ACAD8: variants seen among roughly 807,000 people sequenced by gnomAD.
ACAD8 encodes the protein acyl-CoA dehydrogenase family member 8, also known as isobutyryl-CoA dehydrogenase, mitochondrial.
A neutral mutation model predicts 53.1 loss-of-function variants in ACAD8; 47 were observed. That is an observed-to-expected ratio of 0.89 (90% confidence interval 0.70 to 1.13). ACAD8 has a LOEUF of 1.13. Among genes scored for constraint, ACAD8 ranks in the 50% most tolerant of loss-of-function variants. The probability of loss-of-function intolerance (pLI) is 0.00; values close to 1 mark genes in which losing one functional copy is unlikely to be tolerated. For missense variants in ACAD8, 494 were observed against 535.0 expected (o/e 0.92, Z 0.76); for synonymous variants, 198 against 201.3 (o/e 0.98, Z 0.14).
chr11:134,260,516 T>C, intron 6 of ACAD8: 1 of 210,560 alleles, frequency 4.7e-6, no homozygotes, highest in Non-Finnish European at 9.6e-6. Context: ...TTATGCATTT[T>C]AGCATCCCCT....
Position 134,261,620 on chromosome 11 carries a change from C to T in ACAD8, c.940-118C>T, listed in dbSNP as rs758031454. 5 of 1,567,390 alleles carry T rather than the reference C, an allele frequency of 3.2e-6. No homozygotes were observed. The highest frequency in any genetic ancestry group is 1.2e-5 in the South Asian group (1 of 86,006). ...TTTCCTCTATAGAAAAAGCAAGAGA[C>T]TTTGAAGCTTTGGATCACTTAGAAA... On this transcript the variant is annotated intron_variant, in intron 8 of 10. Coordinates refer to ENST00000281182, the MANE Select transcript of ACAD8 (RefSeq NM_014384.3). This position sits in a 1 kb window ranked among gnomAD's most constrained non-coding sequence, Gnocchi z 4.2.
At chr11:134,260,252 C>T (rs888785293) in intron 6 of ACAD8, 30 of 1,030,786 alleles carry the variant, frequency 2.9e-5, no homozygotes, top group South Asian at 1.5e-4. Flanking sequence ...GATTAAGAGC[C>T]GCCATGGCCA....
chr11:134,261,681 C>T lies in ACAD8; in HGVS notation c.940-57C>T. 1 of 1,609,138 alleles carries T rather than the reference C, an allele frequency of 6.2e-7. No individual in the cohort carries two copies. The highest frequency in any genetic ancestry group is 8.5e-7 in the Non-Finnish European group (1 of 1,179,874). ...GAGATGTCTTACCGAGGCTCCTGCA[C>T]CAGGTGCTGGTCTAAGCCCCTCAGT... On this transcript the variant is annotated intron_variant, in intron 8 of 10. Transcript: ENST00000281182. This position sits in a 1 kb window ranked among gnomAD's most constrained non-coding sequence, Gnocchi z 4.2.
At position 134,259,606 on chromosome 11, in the gene ACAD8, A is replaced by G. The variant is rs1224391966; in HGVS notation, c.568-2A>G. ...CCTTTTGCACCCCTTTTACCCCCAC[A>G]GGCCTTCATCAGTGGTGCTGGTGAG... On this transcript the variant is annotated splice_acceptor_variant, in intron 5 of 10. Transcript: ENST00000281182. LOFTEE classifies it high-confidence loss of function. 6.2e-7 allele frequency: 1 copy of G among 1,614,094 alleles called. No individual in the cohort carries two copies. The highest frequency in any genetic ancestry group is 1.1e-5 in the South Asian group (1 of 91,080).
At chr11:134,258,666 G>T (rs772284615) in intron 4 of ACAD8, 42 bp downstream of exon 4, 10 of 1,401,488 alleles carry the variant, frequency 7.1e-6, no homozygotes, top group Non-Finnish European at 1.0e-5. Context: ...AGGGAGAGAT[G>T]CTTCCTGCTC....
In ACAD8 at chr11:134,253,632, C is replaced by G. The variant is rs773403936; in HGVS notation, c.32C>G (p.Ala11Gly). 1.3e-6 allele frequency: 2 copies of G among 1,583,744 alleles called. No individual in the cohort carries two copies. Among genetic ancestry groups the G allele is most frequent in the South Asian group, 2.3e-5 (2 of 87,698 alleles). Residue 11 changes from alanine (A) to glycine (G), a missense_variant, in exon 1 of 11, where the codon GCG (alanine) becomes GGG (glycine). By Grantham distance (60) the Ala-to-Gly change is moderately conservative. Transcript: ENST00000281182. Reference sequence around the variant, plus strand: ...TGGAGCGGCTGCCGGCGTTTCGGGGCGCGCCTCGGCTGCCTGCCCGGCGGT... The same window carrying G: ...TGGAGCGGCTGCCGGCGTTTCGGGGGGCGCCTCGGCTGCCTGCCCGGCGGT... MLWSGCRRFG[A>G]RLGCLPGGLR...
At chr11:134,260,816 G>GAC (rs1272977100) in intron 6 of ACAD8, 136 of 568,474 alleles carry the variant, frequency 2.4e-4, no homozygotes, top group Middle Eastern at 1.9e-3. Context: ...AGGTAGAGTA[G>GAC]ACATTAGTAG....
chr11:134,261,454 AG>A lies in ACAD8; in HGVS notation c.939+83del, dbSNP rs1198868872. The A allele has an allele frequency of 4.8e-5, 75 of 1,551,438 alleles. No individual in the cohort carries two copies. In the Middle Eastern group the frequency reaches 8.4e-4, roughly 17 times the overall value. On this transcript the variant is annotated intron_variant, in intron 8 of 10. Transcript: ENST00000281182. This position sits in a 1 kb window ranked among gnomAD's most constrained non-coding sequence, Gnocchi z 4.2. ...CTAGGGCCCACATTTCCAGGAGAGA[AG>A]CCAGGAAATTCCTCTGTCAGTCCCA...
At chr11:134,263,591 A>G in intron 10 of ACAD8, 1 of 985,506 alleles carries the variant, frequency 1.0e-6, no homozygotes, top group Non-Finnish European at 1.2e-6. Flanking sequence ...ACCTCATTCC[A>G]GAAAGATGTT....
intron 6 of ACAD8, chr11:134,260,708 T>C: frequency 2.6e-6 from 1 of 383,658 alleles, no homozygotes; most frequent in South Asian, 2.3e-5. Flanking sequence ...ACTGGGAGAT[T>C]GTAGATAGTT....
At position 134,261,645 on chromosome 11, in the gene ACAD8, A is replaced by G. The variant is rs1008005837; in HGVS notation, c.940-93A>G. 6.3e-7 allele frequency: 1 copy of G among 1,593,984 alleles called. No individual in the cohort carries two copies. Among genetic ancestry groups the G allele is most frequent in the African/African-American group, 1.3e-5 (1 of 74,656 alleles). ...CTTTGAAGCTTTGGATCACTTAGAA[A>G]AGGCGCCTCCGAGATGTCTTACCGA... On this transcript the variant is annotated intron_variant, in intron 8 of 10. Coordinates refer to ENST00000281182, the MANE Select transcript of ACAD8 (RefSeq NM_014384.3). This position sits in a 1 kb window ranked among gnomAD's most constrained non-coding sequence, Gnocchi z 4.2.
At chr11:134,256,984 A>T in intron 2 of ACAD8, 104 bp from the exon 3 acceptor site, 1 of 1,203,132 alleles carries the variant, frequency 8.3e-7, no homozygotes, top group South Asian at 1.2e-5. Context: ...AAGAGAATTC[A>T]TACGCTGTCG....
At chr11:134,258,398 A>G in intron 3 of ACAD8, 117 bp from the exon 4 acceptor site, 2 of 728,862 alleles carry the variant, frequency 2.7e-6, no homozygotes, top group South Asian at 1.5e-5. Flanking sequence ...TCCCCTTCCC[A>G]CTCTTCTGCT....
Position 134,258,829 on chromosome 11 carries a change from C to T in ACAD8, c.491-179C>T, listed in dbSNP as rs564294269. 1.4e-4 allele frequency: 104 copies of T among 740,416 alleles called. 1 individual carries two copies. In the East Asian group the frequency reaches 2.7e-3, roughly 20 times the overall value. The allele number at this position is 740,416 out of a possible 1,614,324, so 45.9% of individuals were successfully genotyped here. ...TGTTGGGAGGTAGGCAGTGGCCTGA[C>T]TGGTATGAGCAGTTTCCACCAAGTA... is the stretch of plus-strand genomic sequence containing the variant. On this transcript the variant is annotated intron_variant, in intron 4 of 10. Coordinates refer to ENST00000281182, the MANE Select transcript of ACAD8 (RefSeq NM_014384.3).
chr11:134,265,072 T>C lies in ACAD8; in HGVS notation c.*112T>C. On this transcript the variant is annotated 3_prime_UTR_variant, in exon 11 of 11. Coordinates refer to ENST00000281182, the MANE Select transcript of ACAD8 (RefSeq NM_014384.3). ...CATGGATTAGACCCAAGGGCTGAGC[T>C]CCTCTAGGGCAGGACCTGCACCCTG... 1 of 1,221,792 alleles carries C rather than the reference T, an allele frequency of 8.2e-7. No homozygotes were observed. The highest frequency in any genetic ancestry group is 1.2e-5 in the South Asian group (1 of 83,066). The allele number at this position is 1,221,792 out of a possible 1,614,324, so 75.7% of individuals were successfully genotyped here. A position where few individuals can be genotyped will look rare whatever the true frequency, so the allele number is the denominator to read the frequency against.
chr11:134,259,543 T>C, intron 5 of ACAD8, 65 bp from the exon 6 acceptor site: 1 of 1,608,568 alleles, frequency 6.2e-7, no homozygotes, highest in Non-Finnish European at 8.5e-7. Flanking sequence ...GACCCAGTGG[T>C]GTTCCCAGAC....
chr11:134,253,806 C>T, intron 1 of ACAD8, 97 bp downstream of exon 1: 2 of 1,263,038 alleles, frequency 1.6e-6, no homozygotes, highest in South Asian at 2.6e-5. Context: ...TCCAGTCACC[C>T]CGGCGTCAGC....
At position 134,261,782 on chromosome 11, in the gene ACAD8, C is replaced by A. The variant is rs766640729; in HGVS notation, c.984C>A (p.Ala328=). The A allele has an allele frequency of 6.2e-7, 1 of 1,614,140 alleles. No individual in the cohort carries two copies. Among genetic ancestry groups the A allele is most frequent in the East Asian group, 2.2e-5 (1 of 44,884 alleles). Reference sequence around the variant, plus strand: ...CTGATATGGCAACAAGGCTGGTGGCCGCGCGGCTGATGGTCCGCAATGCAG... The same window carrying A: ...CTGATATGGCAACAAGGCTGGTGGCAGCGCGGCTGATGGTCCGCAATGCAG... ...TLADMATRLV[A]ARLMVRNAAV... is the part of the protein sequence containing the mutation. Residue 328 remains alanine (A), a synonymous_variant, in exon 9 of 11, where the codon GCC becomes GCA. Coordinates refer to ENST00000281182, the MANE Select transcript of ACAD8 (RefSeq NM_014384.3). This position sits in a 1 kb window ranked among gnomAD's most constrained non-coding sequence, Gnocchi z 4.2.
intron 3 of ACAD8, 151 bp from the exon 4 acceptor site, chr11:134,258,364 A>C (rs1026449115): frequency 7.2e-6 from 5 of 692,138 alleles, no homozygotes; most frequent in Non-Finnish European, 1.3e-5. Context: ...GTTTGCCTTT[A>C]AAGAGTCTTC....
Sources: allele counts gnomAD v4.1 joint callset, GRCh38; gene constraint gnomAD v4.1.1; non-coding constraint Gnocchi (gnomAD v3.1); transcripts MANE v1.5; gene names NCBI Gene and HGNC (gene_info 2026-07-23, HGNC 2026-07-21).